SGCD: variants seen among roughly 807,000 people sequenced by gnomAD.
SGCD encodes the protein sarcoglycan delta.
A neutral mutation model predicts 36.6 loss-of-function variants in SGCD; 18 were observed. That is an observed-to-expected ratio of 0.49 (90% confidence interval 0.34 to 0.73). SGCD has a LOEUF of 0.73. SGCD is among the 30% of genes least tolerant of loss of function. The pLI, the probability that SGCD is intolerant of heterozygous loss-of-function variation, is 0.01. For synonymous variants in SGCD, 133 were observed against 130.6 expected (o/e 1.02, Z -0.12); for missense variants, 387 against 346.7 (o/e 1.12, Z -0.92).
chr5:156,334,662 T>C (rs1354811006), intron 2 of SGCD, among the ~76,000 whole-genome samples: 1 of 143,984 alleles, frequency 6.9e-6, no homozygotes, highest in East Asian at 2.1e-4. Flanking sequence ...CTTTTCCTCA[T>C]AGCATTCATC....
intron 1 of SGCD, among the ~76,000 whole-genome samples, chr5:156,005,463 T>G (rs1758740532): frequency 6.9e-6 from 1 of 145,832 alleles, no homozygotes; most frequent in African/African-American, 2.4e-5. Flanking sequence ...TTGTTGTTGT[T>G]GTTTTGAGAT....
intron 3 of SGCD, among the ~76,000 whole-genome samples, chr5:156,427,375 G>C (rs186768575): frequency 5.8e-4 from 88 of 152,088 alleles, no homozygotes; most frequent in African/African-American, 2.0e-3. Flanking sequence ...TGCTATTGAT[G>C]CATATGTTGA....
At chr5:156,050,699 A>G (rs751684739) in intron 1 of SGCD, among the ~76,000 whole-genome samples, 2 of 146,738 alleles carry the variant, frequency 1.4e-5, no homozygotes, top group Non-Finnish European at 3.1e-5. Context: ...TCCTAAAATC[A>G]AGGTGTCAGC....
intron 4 of SGCD, among the ~76,000 whole-genome samples, chr5:156,552,334 G>A (rs1289580969): frequency 1.3e-5 from 2 of 152,122 alleles, no homozygotes; most frequent in Non-Finnish European, 2.9e-5. Context: ...GATGTGAAAC[G>A]GAGTCTGAAC....
chr5:156,599,209 T>C (rs1281306062), intron 6 of SGCD, among the ~76,000 whole-genome samples: 4 of 152,164 alleles, frequency 2.6e-5, no homozygotes, highest in Admixed American at 2.6e-4. Context: ...AAGTTTGTCT[T>C]TTTGAGTCGT....
chr5:156,302,241 T>C (rs7719275), intron 3 of SGCD, among the ~76,000 whole-genome samples: 3 of 152,068 alleles, frequency 2.0e-5, no homozygotes, highest in Admixed American at 2.0e-4. Flanking sequence ...CATTTTCAAG[T>C]AGCCTGTCTT....
chr5:155,818,683 GC>G, the SGCD span, among the ~76,000 whole-genome samples: 1 of 152,026 alleles, frequency 6.6e-6, no homozygotes, highest in Non-Finnish European at 1.5e-5. Flanking sequence ...ACCATGTCTG[GC>G]TAGTTTTTAA....
At chr5:155,839,733 C>T in the SGCD span, among the ~76,000 whole-genome samples, 29 of 152,032 alleles carry the variant, frequency 1.9e-4, no homozygotes, top group Admixed American at 3.3e-4. Flanking sequence ...CTAATTAGAG[C>T]GGAGTTGGGA....
chr5:155,843,566 A>G, the SGCD span, among the ~76,000 whole-genome samples: 2 of 152,236 alleles, frequency 1.3e-5, no homozygotes, highest in Non-Finnish European at 2.9e-5. Context: ...TCTGCCATGT[A>G]TATACAGTCG....
chr5:156,748,199 A>G (rs1157663361), intron 7 of SGCD, among the ~76,000 whole-genome samples: 1 of 152,200 alleles, frequency 6.6e-6, no homozygotes, highest in Admixed American at 6.5e-5. Context: ...AATCAGAAGA[A>G]TGCGTGCCTC....
chr5:156,708,088 C>A (rs1454061326), intron 7 of SGCD, among the ~76,000 whole-genome samples: 1 of 152,076 alleles, frequency 6.6e-6, no homozygotes, highest in Non-Finnish European at 1.5e-5. Context: ...CTTGGTGTTA[C>A]TTGTTCTGCT....
At chr5:156,674,886 C>T (rs930656965) in intron 7 of SGCD, among the ~76,000 whole-genome samples, 1 of 152,188 alleles carries the variant, frequency 6.6e-6, no homozygotes, top group African/African-American at 2.4e-5. Context: ...AAGTACTCCT[C>T]TAAGAATTTC....
intron 5 of SGCD, among the ~76,000 whole-genome samples, chr5:156,590,266 T>G (rs1182862852): frequency 1.3e-5 from 2 of 152,146 alleles, no homozygotes; most frequent in African/African-American, 4.8e-5. Flanking sequence ...TTTGTGACCA[T>G]AGTCTTCACT....
intron 3 of SGCD, among the ~76,000 whole-genome samples, chr5:156,437,834 A>G (rs2127793051): frequency 6.6e-6 from 1 of 152,336 alleles, no homozygotes; most frequent in East Asian, 1.9e-4. Flanking sequence ...TTTGGAAATG[A>G]TAGCCAAGTT....
chr5:156,179,251 CT>C (rs1267371036), intron 3 of SGCD, among the ~76,000 whole-genome samples: 1 of 151,850 alleles, frequency 6.6e-6, no homozygotes, highest in Non-Finnish European at 1.5e-5. Flanking sequence ...TCTATCTGTG[CT>C]GCTTGGTTTT....
At chr5:155,861,851 G>A in the SGCD span, among the ~76,000 whole-genome samples, 1 of 152,216 alleles carries the variant, frequency 6.6e-6, no homozygotes, top group Non-Finnish European at 1.5e-5. Context: ...GAGTGAGGAG[G>A]GATCATAATA....
intron 1 of SGCD, among the ~76,000 whole-genome samples, chr5:155,956,437 T>A: frequency 6.6e-6 from 1 of 152,200 alleles, no homozygotes; most frequent in Middle Eastern, 3.4e-3. Context: ...CTCTGACGGA[T>A]GATGGCTGCT....
chr5:156,170,737 G>A (rs1300299613), intron 3 of SGCD, among the ~76,000 whole-genome samples: 1 of 152,174 alleles, frequency 6.6e-6, no homozygotes, highest in Non-Finnish European at 1.5e-5. Flanking sequence ...AAAGTCATTT[G>A]TTACCATGGA....
intron 1 of SGCD, among the ~76,000 whole-genome samples, chr5:156,076,997 T>A (rs1760804056): frequency 1.3e-5 from 2 of 152,236 alleles, no homozygotes; most frequent in African/African-American, 4.8e-5. Context: ...AGTCTCTGTA[T>A]GGAAAATATA....
Sources: gnomAD v4.1 joint callset for allele counts (sites outside exome capture counted in the v4.1 genomes callset) on GRCh38, gnomAD v4.1.1 for gene constraint, MANE v1.5 for transcripts, NCBI Gene and HGNC (gene_info 2026-07-23, HGNC 2026-07-21) for gene names.